The following DCAF8 variants were observed in gnomAD, a reference collection of about 807,000 sequenced individuals.
DCAF8 encodes the protein DDB1 and CUL4 associated factor 8, also known as DDB1- and CUL4-associated factor 8.
A neutral mutation model predicts 68.0 loss-of-function variants in DCAF8; 20 were observed. The observed-to-expected ratio is 0.29, with a 90% confidence interval of 0.21 to 0.43. DCAF8 has a LOEUF of 0.43. Among genes scored for constraint, DCAF8 ranks in the 20% least tolerant of loss-of-function variants. The probability of loss-of-function intolerance (pLI) is 1.00; values close to 1 mark genes in which losing one functional copy is unlikely to be tolerated. For synonymous variants in DCAF8, 230 were observed against 276.9 expected, an observed-to-expected ratio of 0.83 and a Z score of 1.68; for missense variants, 460 against 771.0, an observed-to-expected ratio of 0.60 and a Z score of 4.78.
Position 160,240,212 on chromosome 1 carries a change from C to G in DCAF8, c.208G>C (p.Glu70Gln). Residue 70 changes from glutamate (E) to glutamine (Q), a missense_variant, in exon 4 of 14, where the codon GAG becomes CAG. Coordinates refer to ENST00000368074, the MANE Select transcript of DCAF8 (RefSeq NM_015726.4). The part of the protein sequence containing the change: ...TSTESRGTDT[E>Q]SSGEDKDSDS... ...GAGTCCTTATCTTCACCTGAGCTCT[C>G]TGTGTCTGTGCCTCGACTTTCTGTG... 3.1e-6 allele frequency: 5 copies of G among 1,614,166 alleles called. No homozygotes were observed. In the Middle Eastern group the frequency reaches 5.0e-4, roughly 160 times the overall value.
At chr1:160,239,549 T>C (rs1365093138) in intron 4 of DCAF8, 148 bp downstream of exon 4, 2 of 1,568,310 alleles carry the variant, frequency 1.3e-6, no homozygotes, top group East Asian at 4.5e-5. Context: ...TTCAGTGTAT[T>C]TAGGTCATTA....
chr1:160,253,361 G>A (rs938868804), intron 2 of DCAF8, among the ~76,000 whole-genome samples: 14 of 151,902 alleles, frequency 9.2e-5, no homozygotes, highest in Admixed American at 4.6e-4. Context: ...ATTAGGCTGC[G>A]CACAGTGGCT....
At chr1:160,250,971 T>C (rs1453840262) in intron 2 of DCAF8, among the ~76,000 whole-genome samples, 7 of 152,172 alleles carry the variant, frequency 4.6e-5, no homozygotes, top group African/African-American at 1.7e-4. Flanking sequence ...AATATTATTA[T>C]TGTCCTTGAT....
At chr1:160,231,230 G>A in intron 7 of DCAF8, 67 bp downstream of exon 7, 1 of 1,066,366 alleles carries the variant, frequency 9.4e-7, no homozygotes, top group Admixed American at 2.1e-5. Context: ...CCATAAAGGA[G>A]CACCTGGTAG....
At chr1:160,245,372 G>A (rs1244404421) in intron 2 of DCAF8, among the ~76,000 whole-genome samples, 4 of 152,158 alleles carry the variant, frequency 2.6e-5, no homozygotes, top group Non-Finnish European at 5.9e-5. Flanking sequence ...CCCAGTCCTT[G>A]TACCCAGGCA....
intron 6 of DCAF8, among the ~76,000 whole-genome samples, chr1:160,235,532 A>G (rs1326385960): frequency 2.0e-5 from 3 of 152,008 alleles, no homozygotes; most frequent in Non-Finnish European, 4.4e-5. Context: ...CATTTCTCTC[A>G]TGGTTAACAA....
At chr1:160,251,278 T>C (rs1299816790) in intron 2 of DCAF8, among the ~76,000 whole-genome samples, 1 of 152,186 alleles carries the variant, frequency 6.6e-6, no homozygotes, top group East Asian at 1.9e-4. Flanking sequence ...CCATCCAAAG[T>C]ACAAATTTGC....
chr1:160,250,650 C>T (rs928962498), intron 2 of DCAF8, among the ~76,000 whole-genome samples: 4 of 152,024 alleles, frequency 2.6e-5, no homozygotes, highest in Admixed American at 6.6e-5. Flanking sequence ...CACTTGAAAA[C>T]GAAAGTGCTG....
Position 160,222,666 on chromosome 1 carries a change from C to G in DCAF8, c.1425G>C (p.Gly475=), listed in dbSNP as rs1029528953. ...CCATACTCACCACGCCTCCCTTGTC[C>G]CCCTCCATGAACTGAATAATCTGGC... The part of the protein sequence containing the change: ...SSCQIIQFME[G]DKGGVVNCLE... The change falls in exon 11 of 14, where the codon GGG becomes GGC. Residue 475 remains glycine, a synonymous_variant. Coordinates refer to ENST00000368074, the MANE Select transcript of DCAF8 (RefSeq NM_015726.4). 6.2e-7 allele frequency: 1 copy of G among 1,614,108 alleles called. No individual in the cohort carries two copies. Among genetic ancestry groups the G allele is most frequent in the Middle Eastern group, 1.6e-4 (1 of 6,062 alleles).
chr1:160,238,868 A>G (rs991521387), intron 4 of DCAF8, 121 bp from the exon 5 acceptor site: 16 of 1,130,240 alleles, frequency 1.4e-5, no homozygotes, highest in Non-Finnish European at 1.9e-5. Flanking sequence ...CTGGAAACTT[A>G]GCTTTCCTAC....
intron 6 of DCAF8, among the ~76,000 whole-genome samples, chr1:160,231,732 C>T (rs1655694993): frequency 6.6e-6 from 1 of 152,182 alleles, no homozygotes; most frequent in Non-Finnish European, 1.5e-5. Context: ...AACACAGTAA[C>T]AGCCAGTTAT....
chr1:160,217,274 G>T lies in DCAF8; in HGVS notation c.*318C>A. ...AGAAACAAGGGAGATTAAAGAAAAA[G>T]AAACCCCATTCCCTATCCCAAACCA... is the stretch of plus-strand genomic sequence containing the variant. On this transcript the variant is annotated 3_prime_UTR_variant, in exon 14 of 14. Transcript: ENST00000368074. The T allele has an allele frequency of 1.5e-5, 3 of 199,130 alleles. No individual in the cohort carries two copies. Among genetic ancestry groups the T allele is most frequent in the Non-Finnish European group, 2.0e-5 (2 of 99,974 alleles). The allele number at this position is 199,130 out of a possible 1,614,324, so 12.3% of individuals were successfully genotyped here. A position where few individuals can be genotyped will look rare whatever the true frequency, so the allele number is the denominator to read the frequency against.
In DCAF8 at chr1:160,246,000, T is replaced by C. The variant is rs183800634; in HGVS notation, c.-26-1966A>G. On this transcript the variant is annotated intron_variant, in intron 2 of 13. Transcript: ENST00000368074. ...CTAAAAATACAAAATTAGCTGGGCA[T>C]GGTGGCACATGCCTGTAATCCCAGC... Among the ~76,000 whole-genome samples the C allele has an allele frequency of 3.9e-3, 593 of 152,226 alleles. 2 individuals are homozygous for C. Among genetic ancestry groups the C allele is most frequent in the Non-Finnish European group, 6.6e-3 (450 of 67,998 alleles).
chr1:160,236,265 CACACACACACAT>C (rs1655875317), intron 6 of DCAF8, among the ~76,000 whole-genome samples: 1 of 151,754 alleles, frequency 6.6e-6, no homozygotes. Flanking sequence ...CACACACAAA[CACACACACACAT>C]ACATACACGT....
intron 6 of DCAF8, among the ~76,000 whole-genome samples, chr1:160,234,786 A>G (rs1417499090): frequency 6.6e-6 from 1 of 152,026 alleles, no homozygotes; most frequent in Non-Finnish European, 1.5e-5. Context: ...TGATTTCCTC[A>G]AAGTCAGATA....
At chr1:160,225,324 A>C (rs1397188156) in intron 8 of DCAF8, among the ~76,000 whole-genome samples, 1 of 152,192 alleles carries the variant, frequency 6.6e-6, no homozygotes, top group Non-Finnish European at 1.5e-5. Context: ...TCCATGTGCT[A>C]GCCATTTTAT....
chr1:160,243,984 C>A lies in DCAF8; in HGVS notation c.25G>T (p.Asp9Tyr), dbSNP rs747279847. Residue 9 changes from aspartate to tyrosine, a missense_variant, in exon 3 of 14, where the codon GAT becomes TAT. By Grantham distance (160) the Asp-to-Tyr change is radical. Coordinates refer to ENST00000368074, the MANE Select transcript of DCAF8 (RefSeq NM_015726.4). MSSKGSST[D>Y]GRTDLANGSL... is the part of the protein sequence containing the mutation. The stretch of plus-strand genomic sequence containing the variant: ...CCATTAGCTAAGTCTGTTCTGCCAT[C>A]TGTGCTGCTCCCTTTGCTGGACATC... 2.5e-6 allele frequency: 4 copies of A among 1,614,038 alleles called. No homozygotes were observed. The highest frequency in any genetic ancestry group is 3.4e-6 in the Non-Finnish European group (4 of 1,180,036).
intron 2 of DCAF8, among the ~76,000 whole-genome samples, chr1:160,250,475 A>AC (rs1281137689): frequency 1.3e-5 from 2 of 151,590 alleles, no homozygotes; most frequent in Non-Finnish European, 2.9e-5. Flanking sequence ...AAAAAAAAAA[A>AC]AAAAAAAAAA....
At chr1:160,218,994 G>C (rs1301760495) in intron 11 of DCAF8, 26 bp from the exon 12 acceptor site, 2 of 1,613,608 alleles carry the variant, frequency 1.2e-6, no homozygotes, top group Non-Finnish European at 1.7e-6. Flanking sequence ...GGAAAACACA[G>C]ACTCAGCAGT....
Sources: gnomAD v4.1 joint callset for allele counts (sites outside exome capture counted in the v4.1 genomes callset) on GRCh38, gnomAD v4.1.1 for gene constraint, MANE v1.5 for transcripts, NCBI Gene and HGNC (gene_info 2026-07-23, HGNC 2026-07-21) for gene names.